Variants in DPP10 observed in about 807,000 individuals in gnomAD.
The protein encoded by DPP10 is dipeptidyl peptidase like 10, also known as inactive dipeptidyl peptidase 10.
In DPP10, 33 loss-of-function variants were observed where a neutral mutation model predicts 120.9. The observed-to-expected ratio is 0.27, with a 90% CI of 0.21 to 0.37. DPP10 has a LOEUF of 0.37. DPP10 is among the 10% of genes least tolerant of loss of function. DPP10 has a pLI of 1.00. For missense variants in DPP10, 816 were observed against 942.8 expected, an observed-to-expected ratio of 0.87 and a Z score of 1.76; for synonymous variants, 337 against 326.1, an observed-to-expected ratio of 1.03 and a Z score of -0.36.
chr2:115,075,440 T>A (rs1371281755), intron 1 of DPP10, among the ~76,000 whole-genome samples: 1 of 152,194 alleles, frequency 6.6e-6, no homozygotes, highest in African/African-American at 2.4e-5. Flanking sequence ...ATGAAAAATG[T>A]TGAAGGTTGT....
At chr2:115,521,855 A>G (rs1208407262) in intron 4 of DPP10, among the ~76,000 whole-genome samples, 1 of 152,202 alleles carries the variant, frequency 6.6e-6, no homozygotes, top group Non-Finnish European at 1.5e-5. Context: ...GAAAACAGTA[A>G]TAAGCACTGG....
chr2:114,600,870 A>C (rs2105225071), intron 1 of DPP10, among the ~76,000 whole-genome samples: 1 of 151,982 alleles, frequency 6.6e-6, no homozygotes, highest in South Asian at 2.1e-4. Flanking sequence ...TGCTGCATTG[A>C]GTAAAGGCTA....
intron 1 of DPP10, among the ~76,000 whole-genome samples, chr2:114,471,683 T>C (rs17764121): frequency 0.023 from 3,551 of 152,340 alleles, 58 homozygotes; most frequent in Middle Eastern, 0.065. Flanking sequence ...ATGAATTTCT[T>C]ATTAGTTTTA....
chr2:115,399,900 A>T (rs898390955), intron 3 of DPP10, among the ~76,000 whole-genome samples: 3 of 152,080 alleles, frequency 2.0e-5, no homozygotes, highest in Non-Finnish European at 2.9e-5. Context: ...TAAAGAAAAA[A>T]AGGTTTAATT....
At chr2:115,734,843 A>G (rs767595945) in intron 8 of DPP10, among the ~76,000 whole-genome samples, 14 of 152,166 alleles carry the variant, frequency 9.2e-5, no homozygotes, top group Non-Finnish European at 1.9e-4. Context: ...AACTGAAGAA[A>G]GGTGGCACGT....
In DPP10 at chr2:115,529,991, A is replaced by G. The variant is rs2078364162; in HGVS notation, c.441+4019A>G. Among the ~76,000 whole-genome samples the G allele has an allele frequency of 2.0e-5, 3 of 152,146 alleles. No individual in the cohort carries two copies. In the South Asian group the frequency reaches 6.2e-4, roughly 32 times the overall value. ...TGAGTATTTGGACAAAATAGGGCAC[A>G]AACTTTTAAAAATATAATTAACAAT... On this transcript the variant is annotated intron_variant, in intron 5 of 25. Coordinates refer to ENST00000410059, the MANE Select transcript of DPP10 (RefSeq NM_020868.6).
At chr2:114,776,255 G>A (rs1681727879) in intron 1 of DPP10, among the ~76,000 whole-genome samples, 1 of 152,108 alleles carries the variant, frequency 6.6e-6, no homozygotes, top group African/African-American at 2.4e-5. Context: ...CATGATCTGA[G>A]GCCTGCTGAA....
chr2:115,325,841 A>G (rs1416779312), intron 2 of DPP10, among the ~76,000 whole-genome samples: 6 of 152,146 alleles, frequency 3.9e-5, no homozygotes, highest in Non-Finnish European at 1.5e-5. Flanking sequence ...TTCTTTTGCA[A>G]TACATTGTTT....
At chr2:115,307,973 C>T (rs2061426366) in intron 1 of DPP10, among the ~76,000 whole-genome samples, 1 of 152,088 alleles carries the variant, frequency 6.6e-6, no homozygotes. Flanking sequence ...GAATTGATCT[C>T]TCCTGGATTT....
chr2:114,969,870 C>T (rs1699280507), intron 1 of DPP10, among the ~76,000 whole-genome samples: 2 of 152,160 alleles, frequency 1.3e-5, no homozygotes, highest in African/African-American at 2.4e-5. Flanking sequence ...CCAGTCCCCA[C>T]TAACCCTCAT....
chr2:114,737,185 G>T (rs1359382073), intron 1 of DPP10, among the ~76,000 whole-genome samples: 2 of 152,174 alleles, frequency 1.3e-5, no homozygotes, highest in Non-Finnish European at 2.9e-5. Flanking sequence ...GATATTAGTT[G>T]TTATGTGCTT....
At chr2:115,419,876 TTAAG>T (rs2069779095) in intron 3 of DPP10, among the ~76,000 whole-genome samples, 1 of 152,128 alleles carries the variant, frequency 6.6e-6, no homozygotes, top group Non-Finnish European at 1.5e-5. Flanking sequence ...CACTACTTAT[TTAAG>T]TAGTATATTA....
At chr2:115,123,750 C>G (rs919357883) in intron 1 of DPP10, among the ~76,000 whole-genome samples, 1 of 152,110 alleles carries the variant, frequency 6.6e-6, no homozygotes, top group Non-Finnish European at 1.5e-5. Context: ...GCAGCCCTCT[C>G]CTGCTGTGCT....
chr2:115,145,942 C>T (rs2051198988), intron 1 of DPP10, among the ~76,000 whole-genome samples: 1 of 152,112 alleles, frequency 6.6e-6, no homozygotes, highest in Admixed American at 6.6e-5. Flanking sequence ...TGGTATACTA[C>T]CACTGCTGCC....
intron 1 of DPP10, among the ~76,000 whole-genome samples, chr2:114,776,797 A>G (rs1681787582): frequency 6.6e-6 from 1 of 152,136 alleles, no homozygotes; most frequent in Admixed American, 6.6e-5. Context: ...TGAGTATTGA[A>G]TTGATGAGTA....
chr2:115,133,854 C>T (rs1167676430), intron 1 of DPP10, among the ~76,000 whole-genome samples: 1 of 152,158 alleles, frequency 6.6e-6, no homozygotes, highest in Non-Finnish European at 1.5e-5. Flanking sequence ...CCCACGATAC[C>T]TAGCACTGTG....
intron 3 of DPP10, among the ~76,000 whole-genome samples, chr2:115,475,697 A>T (rs569036754): frequency 7.2e-5 from 11 of 152,246 alleles, no homozygotes; most frequent in Admixed American, 3.9e-4. Context: ...TGGGGGCTAA[A>T]CCCTAGAAAG....
intron 1 of DPP10, among the ~76,000 whole-genome samples, chr2:114,848,585 G>A (rs1688716396): frequency 1.3e-5 from 2 of 152,166 alleles, no homozygotes; most frequent in South Asian, 4.1e-4. Context: ...CAACGACATT[G>A]AATCACATAG....
chr2:115,760,156 A>C (rs572502996), intron 11 of DPP10, among the ~76,000 whole-genome samples: 1 of 152,224 alleles, frequency 6.6e-6, no homozygotes, highest in African/African-American at 2.4e-5. Flanking sequence ...ATAGCTAAAA[A>C]GTAGAGACTA....
Sources: gnomAD v4.1 joint callset for allele counts (sites outside exome capture counted in the v4.1 genomes callset) on GRCh38, gnomAD v4.1.1 for gene constraint, MANE v1.5 for transcripts, NCBI Gene and HGNC (gene_info 2026-07-23, HGNC 2026-07-21) for gene names.